TESK2: variants seen among roughly 807,000 people sequenced by gnomAD.
The protein encoded by TESK2 is dual specificity testis-specific protein kinase 2.
Under a neutral mutation model 57.1 loss-of-function variants are expected in TESK2, and 39 were observed. The ratio of observed to expected loss-of-function variants is 0.68; its 90% CI spans 0.53 to 0.89. The LOEUF (loss-of-function observed/expected upper bound fraction) is 0.89. TESK2 is among the 40% of genes least tolerant of loss of function. The probability of loss-of-function intolerance (pLI) is 0.00; values close to 1 mark genes in which losing one functional copy is unlikely to be tolerated. For missense variants in TESK2, 646 were observed against 732.1 expected, an observed-to-expected ratio of 0.88 and a Z score of 1.36; for synonymous variants, 249 against 267.9, an observed-to-expected ratio of 0.93 and a Z score of 0.69.
chr1:45,443,482 ATC>A (rs1341373636), intron 2 of TESK2, among the ~76,000 whole-genome samples: 1 of 147,834 alleles, frequency 6.8e-6, no homozygotes, highest in African/African-American at 2.5e-5. Context: ...AGGCAGGATA[ATC>A]GCTTGAACCC....
chr1:45,458,861 A>G (rs1652222125), intron 1 of TESK2, among the ~76,000 whole-genome samples: 1 of 152,202 alleles, frequency 6.6e-6, no homozygotes, highest in Non-Finnish European at 1.5e-5. Context: ...TAAAAGCACA[A>G]GCCTACTTTT....
At chr1:45,378,952 C>T (rs754950654) in intron 4 of TESK2, among the ~76,000 whole-genome samples, 11 of 152,194 alleles carry the variant, frequency 7.2e-5, no homozygotes, top group Non-Finnish European at 1.5e-4. Flanking sequence ...TGGTGGTTAA[C>T]AGCTGCCAGT....
chr1:45,373,971 A>G (rs7543428), intron 4 of TESK2, among the ~76,000 whole-genome samples: 41,439 of 152,092 alleles, frequency 0.27, 5,953 homozygotes, highest in Admixed American at 0.4. Flanking sequence ...TACACTTGGC[A>G]AATCTATTAG....
At chr1:45,421,127 C>T (rs946890697) in intron 3 of TESK2, among the ~76,000 whole-genome samples, 2 of 151,968 alleles carry the variant, frequency 1.3e-5, no homozygotes, top group Admixed American at 6.6e-5. Flanking sequence ...TGTGGTGGTG[C>T]GCCTGTAGTT....
intron 4 of TESK2, 78 bp from the exon 5 acceptor site, chr1:45,355,527 A>C: frequency 6.7e-7 from 1 of 1,498,634 alleles, no homozygotes; most frequent in Non-Finnish European, 9.0e-7. Context: ...GAGAGTAAAC[A>C]CCTGGAAGAG....
At chr1:45,426,291 C>T (rs1650686021) in intron 2 of TESK2, among the ~76,000 whole-genome samples, 1 of 152,090 alleles carries the variant, frequency 6.6e-6, no homozygotes, top group Admixed American at 6.6e-5. Flanking sequence ...AATCCAATAA[C>T]AAATCCATAA....
rs1271261917 is a variant in TESK2 at position 45,429,735 on chromosome 1, C to T, written c.223-7889G>A. 2.0e-5 allele frequency among the ~76,000 whole-genome samples: 3 copies of T among 152,260 alleles called. No individual in the cohort carries two copies. In the East Asian group the frequency reaches 5.8e-4, roughly 29 times the overall value. On this transcript the variant is annotated intron_variant, in intron 2 of 10. Coordinates refer to ENST00000372086, the MANE Select transcript of TESK2 (RefSeq NM_007170.3). ...GAAATCAGGAAAGAGAGATAACAGC[C>T]AATCACCCAAACTGACCAGCTTCAA...
intron 1 of TESK2, among the ~76,000 whole-genome samples, chr1:45,488,389 TTC>T (rs1274535223): frequency 1.3e-5 from 2 of 152,216 alleles, no homozygotes; most frequent in African/African-American, 4.8e-5. Context: ...CTCACTTTCC[TTC>T]CCTTCTACCA....
At chr1:45,346,419 C>T (rs1433288764) in intron 9 of TESK2, among the ~76,000 whole-genome samples, 2 of 152,208 alleles carry the variant, frequency 1.3e-5, no homozygotes, top group African/African-American at 4.8e-5. Flanking sequence ...AACAATAAAA[C>T]CGGACCAGAG....
intron 3 of TESK2, among the ~76,000 whole-genome samples, chr1:45,390,201 C>T (rs1261259896): frequency 6.6e-6 from 1 of 152,066 alleles, no homozygotes; most frequent in East Asian, 1.9e-4. Flanking sequence ...GAGGCCAAGG[C>T]GGGCAGATCT....
At chr1:45,420,550 C>G (rs1650429002) in intron 3 of TESK2, among the ~76,000 whole-genome samples, 1 of 151,120 alleles carries the variant, frequency 6.6e-6, no homozygotes, top group East Asian at 1.9e-4. Context: ...AGCCATCATG[C>G]CTGGCCAAAT....
At chr1:45,415,161 G>T in intron 3 of TESK2, 1 of 1,517,544 alleles carries the variant, frequency 6.6e-7, no homozygotes, top group East Asian at 2.3e-5. Flanking sequence ...GAAAGGATTT[G>T]GTTATAAGGG....
At position 45,473,246 on chromosome 1, in the gene TESK2, G is replaced by C. The variant is rs566404499; in HGVS notation, c.-86-15375C>G. Among the ~76,000 whole-genome samples the C allele has an allele frequency of 2.6e-4, 40 of 151,660 alleles. No homozygotes were observed. In the South Asian group the frequency reaches 8.1e-3, roughly 31 times the overall value. ...TACCGAGTTCCTACCATGCACCAAAGCCCAGGCACCTTCTTTTTGTGCTTA... is the reference window on the plus strand; with the variant it reads ...TACCGAGTTCCTACCATGCACCAAACCCCAGGCACCTTCTTTTTGTGCTTA... On this transcript the variant is annotated intron_variant, in intron 1 of 10. Transcript: ENST00000372086.
chr1:45,413,384 G>C (rs567662425), intron 3 of TESK2, among the ~76,000 whole-genome samples: 51 of 152,128 alleles, frequency 3.4e-4, no homozygotes, highest in Non-Finnish European at 6.5e-4. Flanking sequence ...AGGAGGTTGG[G>C]GTCAAGAAAA....
At chr1:45,450,781 T>G (rs1172820890) in intron 2 of TESK2, among the ~76,000 whole-genome samples, 2 of 151,904 alleles carry the variant, frequency 1.3e-5, no homozygotes, top group Non-Finnish European at 2.9e-5. Flanking sequence ...TTTTTTAAAT[T>G]TTATTATTAT....
chr1:45,405,697 A>G (rs1031355411), intron 3 of TESK2, among the ~76,000 whole-genome samples: 1 of 150,868 alleles, frequency 6.6e-6, no homozygotes, highest in East Asian at 1.9e-4. Flanking sequence ...ATATATCTAC[A>G]TATATATACA....
intron 3 of TESK2, among the ~76,000 whole-genome samples, chr1:45,395,557 GTTC>G (rs533512083): frequency 7.3e-5 from 11 of 150,408 alleles, no homozygotes; most frequent in African/African-American, 2.7e-4. Flanking sequence ...TCCTTCTCAT[GTTC>G]TTCAACTACC....
At chr1:45,351,599 C>G (rs967411225) in intron 5 of TESK2, among the ~76,000 whole-genome samples, 7 of 152,238 alleles carry the variant, frequency 4.6e-5, no homozygotes, top group African/African-American at 1.7e-4. Context: ...CATGTTACCT[C>G]TACTTTAAAT....
At chr1:45,441,931 T>C (rs993292001) in intron 2 of TESK2, among the ~76,000 whole-genome samples, 1 of 151,932 alleles carries the variant, frequency 6.6e-6, no homozygotes, top group Non-Finnish European at 1.5e-5. Context: ...AAAATTGTTT[T>C]TGTTTTGTTT....
Sources: gnomAD v4.1 joint callset for allele counts (sites outside exome capture counted in the v4.1 genomes callset) on GRCh38, gnomAD v4.1.1 for gene constraint, MANE v1.5 for transcripts, NCBI Gene and HGNC (gene_info 2026-07-23, HGNC 2026-07-21) for gene names.